The following TENM4 variants were observed in gnomAD, a reference collection of about 807,000 sequenced individuals.
TENM4 encodes teneurin-4.
A neutral mutation model predicts 243.3 loss-of-function variants in TENM4; 82 were observed. The observed-to-expected ratio is 0.34, with a 90% CI of 0.28 to 0.40. The LOEUF (loss-of-function observed/expected upper bound fraction) is 0.40, where lower values mean the gene tolerates loss of function less well. Among genes scored for constraint, TENM4 ranks in the 10% least tolerant of loss-of-function variants. The pLI, the probability that TENM4 is intolerant of heterozygous loss-of-function variation, is 1.00. For synonymous variants in TENM4, 1,412 were observed against 1,456.3 expected (o/e 0.97, Z 0.69); for missense variants, 3,138 against 3,673.3 (o/e 0.85, Z 3.77).
chr11:78,889,777 G>A lies in TENM4; in HGVS notation c.1084+8C>T, dbSNP rs572092924. On this transcript the variant is annotated splice_region_variant and intron_variant, in intron 9 of 33. Transcript: ENST00000278550. Reference sequence around the variant, plus strand: ...GAGCAAGGGGAGCTGGGGTGAAGAGGTGCTTACCCACAAAGTATGCCAGCA... The same window carrying A: ...GAGCAAGGGGAGCTGGGGTGAAGAGATGCTTACCCACAAAGTATGCCAGCA... 4 of 1,551,766 alleles carry A rather than the reference G, an allele frequency of 2.6e-6. No individual in the cohort carries two copies. The highest frequency in any genetic ancestry group is 2.4e-5 in the East Asian group (1 of 40,920).
intron 15 of TENM4, among the ~76,000 whole-genome samples, chr11:78,797,813 G>A (rs1209857568): frequency 3.3e-5 from 5 of 152,164 alleles, no homozygotes; most frequent in African/African-American, 1.2e-4. Flanking sequence ...GTTGGGAAGG[G>A]GTACAGGAAA....
At chr11:78,966,659 C>T (rs1480823910) in intron 6 of TENM4, among the ~76,000 whole-genome samples, 5 of 152,120 alleles carry the variant, frequency 3.3e-5, no homozygotes, top group Admixed American at 6.5e-5. Context: ...CTTCACTGAG[C>T]CTTGGAGGAT....
At chr11:79,378,285 G>A (rs1029527435) in intron 1 of TENM4, among the ~76,000 whole-genome samples, 26 of 152,180 alleles carry the variant, frequency 1.7e-4, no homozygotes, top group African/African-American at 6.3e-4. Flanking sequence ...ATGGAGTAGG[G>A]GGCCTGGGGC....
chr11:79,361,186 G>C (rs1810307702), intron 1 of TENM4, among the ~76,000 whole-genome samples: 1 of 152,158 alleles, frequency 6.6e-6, no homozygotes, highest in South Asian at 2.1e-4. Flanking sequence ...TGCAGAAATT[G>C]GGGAAGTTTG....
chr11:78,895,758 A>C (rs1207017245), intron 7 of TENM4, among the ~76,000 whole-genome samples: 1 of 152,130 alleles, frequency 6.6e-6, no homozygotes, highest in African/African-American at 2.4e-5. Flanking sequence ...CTCATTTTAC[A>C]GATATGGAAA....
Position 78,729,391 on chromosome 11 carries a change from G to A in TENM4, c.3391C>T (p.Leu1131Phe). 2 of 1,578,074 alleles carry A rather than the reference G, an allele frequency of 1.3e-6. No individual in the cohort carries two copies. Among genetic ancestry groups the A allele is most frequent in the Non-Finnish European group, 8.6e-7 (1 of 1,160,550 alleles). Residue 1131 changes from leucine to phenylalanine, a missense_variant, in exon 22 of 34, where the codon CTT becomes TTT. Physicochemically the swap from Leu to Phe is conservative, Grantham distance 22. Around this residue, in one of 2 missense-constraint regions of TENM4, gnomAD observed 2,467 missense variants for 3,059.1 expected, o/e 0.81. Transcript: ENST00000278550. The part of the protein sequence containing the change: ...TDVYNQKVFG[L>F]SEAFVSVGYE... ...GGAGGCTTACCAAAGGCTTCTGAAAGCCCAAACACCTTCTGGTTGTAGACG... is the reference window on the plus strand; with the variant it reads ...GGAGGCTTACCAAAGGCTTCTGAAAACCCAAACACCTTCTGGTTGTAGACG...
intron 6 of TENM4, among the ~76,000 whole-genome samples, chr11:78,949,241 T>C (rs566577616): frequency 6.6e-6 from 1 of 152,308 alleles, no homozygotes; most frequent in Admixed American, 6.5e-5. Context: ...CATATTTGCG[T>C]TTTGAACCCT....
chr11:79,254,916 C>T (rs917422754), intron 2 of TENM4, among the ~76,000 whole-genome samples: 2 of 152,120 alleles, frequency 1.3e-5, no homozygotes, highest in South Asian at 2.1e-4. Flanking sequence ...CAGTGGAGGT[C>T]GGGTAGAATA....
intron 6 of TENM4, among the ~76,000 whole-genome samples, chr11:78,919,192 CATGCATGAACTTATTTTAT>C (rs1856390026): frequency 6.6e-6 from 1 of 152,202 alleles, no homozygotes; most frequent in African/African-American, 2.4e-5. Context: ...AAGTTCTTTA[CATGCATGAACTTATTTTAT>C]TCTAAAAACA....
chr11:78,703,132 C>A lies in TENM4; in HGVS notation c.4210-729G>T, dbSNP rs1859150085. Among the ~76,000 whole-genome samples the A allele has an allele frequency of 2.0e-5, 3 of 152,140 alleles. No individual in the cohort carries two copies. In the South Asian group the frequency reaches 6.2e-4, roughly 32 times the overall value. ...AAACCCCACCCTTGGTGGGTGAAAT[C>A]AGATCCCTGGGCTTGGAGCTTGGGC... On this transcript the variant is annotated intron_variant, in intron 27 of 33. Coordinates refer to ENST00000278550, the MANE Select transcript of TENM4 (RefSeq NM_001098816.3).
intron 1 of TENM4, among the ~76,000 whole-genome samples, chr11:79,334,604 A>G (rs947983740): frequency 1.3e-5 from 2 of 152,092 alleles, no homozygotes; most frequent in African/African-American, 4.8e-5. Flanking sequence ...GTCTCCAACC[A>G]TCCTCAGGAA....
At chr11:79,409,048 A>C (rs1043770556) in intron 1 of TENM4, among the ~76,000 whole-genome samples, 3 of 148,718 alleles carry the variant, frequency 2.0e-5, no homozygotes, top group African/African-American at 7.5e-5. Context: ...AGTGTTGTCT[A>C]TGAGGGATAT....
At chr11:79,205,827 G>C (rs1451779951) in intron 3 of TENM4, among the ~76,000 whole-genome samples, 1 of 152,162 alleles carries the variant, frequency 6.6e-6, no homozygotes, top group Non-Finnish European at 1.5e-5. Flanking sequence ...TCTACTTTTT[G>C]ATACAAGGAA....
At chr11:79,405,276 C>T (rs796199024) in intron 1 of TENM4, among the ~76,000 whole-genome samples, 4 of 152,238 alleles carry the variant, frequency 2.6e-5, no homozygotes, top group African/African-American at 7.2e-5. Flanking sequence ...ATCTCACTTA[C>T]TGCTCACAGC....
chr11:78,860,801 T>G (rs1487913258), intron 10 of TENM4, among the ~76,000 whole-genome samples: 3 of 152,214 alleles, frequency 2.0e-5, no homozygotes, highest in Admixed American at 2.0e-4. Context: ...GCAAACAGGA[T>G]TTCCATTTGC....
intron 21 of TENM4, among the ~76,000 whole-genome samples, chr11:78,729,993 A>G (rs1024494149): frequency 2.0e-5 from 3 of 152,200 alleles, no homozygotes; most frequent in African/African-American, 7.2e-5. Flanking sequence ...CAGGGATGAC[A>G]GCACTCATTT....
chr11:78,723,031 T>A, intron 23 of TENM4, 114 bp from the exon 24 acceptor site: 2 of 1,438,644 alleles, frequency 1.4e-6, no homozygotes, highest in Non-Finnish European at 1.9e-6. Context: ...CATCAACCAT[T>A]TCCAGGATCA....
chr11:79,134,847 G>A (rs1862076741), intron 4 of TENM4, among the ~76,000 whole-genome samples: 2 of 152,148 alleles, frequency 1.3e-5, no homozygotes, highest in Admixed American at 1.3e-4. Context: ...ATCAACTCAA[G>A]ATGGATTAAG....
intron 7 of TENM4, among the ~76,000 whole-genome samples, chr11:78,891,685 T>C (rs1453939012): frequency 6.6e-6 from 1 of 152,170 alleles, no homozygotes; most frequent in Non-Finnish European, 1.5e-5. Flanking sequence ...GTAATCCTCA[T>C]TCTACAGGTG....
Sources: gnomAD v4.1 joint callset for allele counts (sites outside exome capture counted in the v4.1 genomes callset) on GRCh38, gnomAD v4.1.1 for gene constraint, gnomAD v4.1.1 regional missense constraint, MANE v1.5 for transcripts, NCBI Gene and HGNC (gene_info 2026-07-23, HGNC 2026-07-21) for gene names.